The following CDH18 variants were observed in gnomAD, a reference collection of about 807,000 sequenced individuals.
CDH18 encodes the protein cadherin-18.
In CDH18, 31 loss-of-function variants were observed where a neutral mutation model predicts 67.9. That is an observed-to-expected ratio of 0.46 (90% CI 0.34 to 0.62). CDH18 has a LOEUF of 0.62. Ranked by LOEUF, CDH18 falls within the 20% of genes least tolerant of loss-of-function variation. The pLI, the probability that CDH18 is intolerant of heterozygous loss-of-function variation, is 0.01. For synonymous variants in CDH18, 362 were observed against 347.2 expected (o/e 1.04, Z -0.48); for missense variants, 890 against 975.5 (o/e 0.91, Z 1.17).
intron 2 of CDH18, among the ~76,000 whole-genome samples, chr5:19,924,196 G>C (rs1792831892): frequency 6.6e-6 from 1 of 152,126 alleles, no homozygotes; most frequent in South Asian, 2.1e-4. Context: ...GGTAAGCTTT[G>C]AGAGTCATGC....
At chr5:20,479,222 C>A (rs1752631279) in intron 1 of CDH18, among the ~76,000 whole-genome samples, 2 of 152,054 alleles carry the variant, frequency 1.3e-5, no homozygotes, top group Non-Finnish European at 2.9e-5. Context: ...GACAAACATC[C>A]ATGTGCATCA....
intron 7 of CDH18, among the ~76,000 whole-genome samples, chr5:19,588,545 C>T (rs1744584732): frequency 6.6e-6 from 1 of 152,012 alleles, no homozygotes; most frequent in Non-Finnish European, 1.5e-5. Context: ...CAAATCCACT[C>T]ATAACAATAC....
At chr5:20,486,633 C>G (rs1753196350) in intron 1 of CDH18, among the ~76,000 whole-genome samples, 1 of 146,046 alleles carries the variant, frequency 6.8e-6, no homozygotes. Flanking sequence ...ATGAGGAAGA[C>G]TTCATTACAT....
intron 1 of CDH18, among the ~76,000 whole-genome samples, chr5:20,269,685 A>G (rs1745294117): frequency 6.6e-6 from 1 of 152,110 alleles, no homozygotes; most frequent in African/African-American, 2.4e-5. Flanking sequence ...ATATGTATGT[A>G]GAAAACGAAA....
At chr5:20,252,654 C>T (rs1027533564) in intron 2 of CDH18, among the ~76,000 whole-genome samples, 1 of 151,754 alleles carries the variant, frequency 6.6e-6, no homozygotes, top group Non-Finnish European at 1.5e-5. Flanking sequence ...AAAACTGTAC[C>T]AAGCCAGGTA....
intron 1 of CDH18, among the ~76,000 whole-genome samples, chr5:20,560,816 G>A (rs993148968): frequency 3.3e-5 from 5 of 151,948 alleles, no homozygotes; most frequent in Admixed American, 6.6e-5. Flanking sequence ...GCAATATTAT[G>A]AGAATTAGAA....
intron 2 of CDH18, among the ~76,000 whole-genome samples, chr5:20,178,572 G>GTTTCTTTC (rs200387560): frequency 6.7e-6 from 1 of 149,788 alleles, no homozygotes; most frequent in Admixed American, 6.6e-5. Context: ...TGTAAATAGA[G>GTTTCTTTC]TTTCTTTCTT....
chr5:19,897,961 A>G (rs1789533540), intron 2 of CDH18, among the ~76,000 whole-genome samples: 1 of 152,068 alleles, frequency 6.6e-6, no homozygotes, highest in South Asian at 2.1e-4. Flanking sequence ...AACATGGGTG[A>G]GTTCACTCCA....
chr5:19,531,913 T>C (rs145481789), intron 9 of CDH18, among the ~76,000 whole-genome samples: 190 of 152,280 alleles, frequency 1.2e-3, no homozygotes, highest in East Asian at 2.3e-3. Flanking sequence ...GTCATTCTCA[T>C]TACATTTGAA....
intron 2 of CDH18, among the ~76,000 whole-genome samples, chr5:20,063,133 T>C (rs1742656255): frequency 6.6e-6 from 1 of 151,450 alleles, no homozygotes; most frequent in African/African-American, 2.4e-5. Flanking sequence ...TTTTCAACAA[T>C]TATTAGTTTC....
chr5:19,579,397 T>C (rs1742849241), intron 7 of CDH18, among the ~76,000 whole-genome samples: 1 of 151,886 alleles, frequency 6.6e-6, no homozygotes, highest in Non-Finnish European at 1.5e-5. Context: ...GGATTTTTAT[T>C]ATGATCTTAT....
At chr5:20,379,287 T>A (rs1333631453) in intron 1 of CDH18, among the ~76,000 whole-genome samples, 1 of 152,196 alleles carries the variant, frequency 6.6e-6, no homozygotes, top group Non-Finnish European at 1.5e-5. Flanking sequence ...CTAGATCTTA[T>A]AAACATAGCC....
At chr5:19,706,247 T>C (rs1229996411) in intron 5 of CDH18, among the ~76,000 whole-genome samples, 1 of 152,184 alleles carries the variant, frequency 6.6e-6, no homozygotes, top group Non-Finnish European at 1.5e-5. Context: ...TTTACATCAC[T>C]CATATTAGGG....
intron 2 of CDH18, among the ~76,000 whole-genome samples, chr5:20,110,464 C>T (rs945264892): frequency 2.0e-5 from 3 of 152,092 alleles, no homozygotes; most frequent in Admixed American, 6.5e-5. Flanking sequence ...GGGTGGATTA[C>T]CTCAGGTCAG....
rs975488700 is a variant in CDH18 at position 20,258,278 on chromosome 5, A to T, written c.-579-2773T>A. ...TAAGAGTGTCAATAAGAAAAAAAAT[A>T]TGTAGAAAATGTCTGTTGAAGTAAG... On this transcript the variant is annotated intron_variant, in intron 1 of 14. Coordinates refer to the CDH18 transcript ENST00000507958. 3.9e-5 allele frequency among the ~76,000 whole-genome samples: 6 copies of T among 152,282 alleles called. No individual in the cohort carries two copies. The Middle Eastern group carries it at 0.02, about 518-fold the overall frequency.
intron 8 of CDH18, among the ~76,000 whole-genome samples, chr5:19,549,373 A>G (rs1736933595): frequency 6.6e-6 from 1 of 152,152 alleles, no homozygotes; most frequent in East Asian, 1.9e-4. Flanking sequence ...CTGAGGCCAG[A>G]AGCAGATGCT....
chr5:19,707,029 T>G lies in CDH18; in HGVS notation c.643+14318A>C, dbSNP rs183987185. Among the ~76,000 whole-genome samples the G allele has an allele frequency of 2.8e-3, 431 of 151,768 alleles. 1 individual carries two copies. The highest frequency in any genetic ancestry group is 1.0e-2 in the African/African-American group (413 of 41,350). Reference sequence around the variant, plus strand: ...GATCCGATAACAAAAGGTTGGGAAATAGGTAAAATAATAACTTGGGGTAGA... The same window carrying G: ...GATCCGATAACAAAAGGTTGGGAAAGAGGTAAAATAATAACTTGGGGTAGA... On this transcript the variant is annotated intron_variant, in intron 5 of 12. Transcript: ENST00000382275.
In CDH18 at chr5:20,464,464, C is replaced by T. The variant is rs1157678586; in HGVS notation, c.-580+110998G>A. 7.1e-5 allele frequency among the ~76,000 whole-genome samples: 4 copies of T among 56,048 alleles called. No homozygotes were observed. The South Asian group carries it at 2.6e-3, about 37-fold the overall frequency. The allele number at this position is 56,048 out of a possible 152,430, so 36.8% of individuals were successfully genotyped here. A position where few individuals can be genotyped will look rare whatever the true frequency, so the allele number is the denominator to read the frequency against. On this transcript the variant is annotated intron_variant, in intron 1 of 14. Transcript: ENST00000507958. ...TGAGAATTTGTACCAAATGCTCTTG[C>T]CTGTTATTGTTTATCTTTACAGGTG...
chr5:19,795,211 A>G (rs976120190), intron 3 of CDH18, among the ~76,000 whole-genome samples: 1 of 152,094 alleles, frequency 6.6e-6, no homozygotes, highest in Non-Finnish European at 1.5e-5. Flanking sequence ...AAATTATGAG[A>G]CTTCCTTTAT....
Sources: gnomAD v4.1 joint callset for allele counts (sites outside exome capture counted in the v4.1 genomes callset) on GRCh38, gnomAD v4.1.1 for gene constraint, MANE v1.5 for transcripts, NCBI Gene and HGNC (gene_info 2026-07-23, HGNC 2026-07-21) for gene names.